NFIA: variants seen among roughly 807,000 people sequenced by gnomAD.
The protein encoded by NFIA is nuclear factor 1 A-type.
In NFIA, 8 loss-of-function variants were observed where a neutral mutation model predicts 62.8. The ratio of observed to expected loss-of-function variants is 0.13; its 90% confidence interval spans 0.07 to 0.23. The LOEUF is 0.23. Ranked by LOEUF, NFIA falls within the 10% of genes least tolerant of loss-of-function variation. NFIA has a pLI of 1.00. For synonymous variants in NFIA, 235 were observed against 238.1 expected, an observed-to-expected ratio of 0.99 and a Z score of 0.12; for missense variants, 410 against 642.1, an observed-to-expected ratio of 0.64 and a Z score of 3.91.
In NFIA at chr1:61,460,382, A is replaced by ATCAATTTAATGTTTAATG. The variant is rs1553124840; in HGVS notation, c.*5063_*5080dup. 1 of 152,252 alleles carries ATCAATTTAATGTTTAATG rather than the reference A, an allele frequency of 6.6e-6. No homozygotes were observed. Among genetic ancestry groups the ATCAATTTAATGTTTAATG allele is most frequent in the Non-Finnish European group, 1.5e-5 (1 of 68,046 alleles). The allele number at this position is 152,252 out of a possible 1,614,324, so 9.4% of individuals were successfully genotyped here. A position where few individuals can be genotyped will look rare whatever the true frequency, so the allele number is the denominator to read the frequency against. ...TGAATACTGTGTCACCAATTTTGAAATCAATTTAATGTTTAATGCAAATCC... is the reference window on the plus strand; with the variant it reads ...TGAATACTGTGTCACCAATTTTGAAATCAATTTAATGTTTAATGTCAATTTAATGTTTAATGCAAATCC... On this transcript the variant is annotated 3_prime_UTR_variant, in exon 11 of 11. Transcript: ENST00000403491.
intron 4 of NFIA, among the ~76,000 whole-genome samples, chr1:61,334,766 AT>A (rs1553174357): frequency 6.6e-6 from 1 of 151,750 alleles, no homozygotes; most frequent in Non-Finnish European, 1.5e-5. Flanking sequence ...GGATGCTGCA[AT>A]TCTTACATTT....
At chr1:61,435,147 C>T (rs1229143414) in intron 10 of NFIA, among the ~76,000 whole-genome samples, 1 of 152,138 alleles carries the variant, frequency 6.6e-6, no homozygotes, top group Non-Finnish European at 1.5e-5. Flanking sequence ...GTACTGGGTA[C>T]TCACCAGGTT....
At chr1:61,294,669 C>T (rs1389162167) in intron 3 of NFIA, among the ~76,000 whole-genome samples, 1 of 152,204 alleles carries the variant, frequency 6.6e-6, no homozygotes, top group Non-Finnish European at 1.5e-5. Flanking sequence ...TTCTTTTTTA[C>T]TCACTGTTTT....
chr1:61,096,205 G>T (rs1377931133), intron 2 of NFIA, among the ~76,000 whole-genome samples: 1 of 152,040 alleles, frequency 6.6e-6, no homozygotes, highest in Non-Finnish European at 1.5e-5. Context: ...GAATTAGTGA[G>T]CTTTTTTTTG....
rs34809808 is a variant in NFIA, at chr1:61,333,068, TACACACACACACAC to T, written c.700+492_700+505del. Among the ~76,000 whole-genome samples, 228 of 132,674 alleles carry T rather than the reference TACACACACACACAC, an allele frequency of 1.7e-3. 1 individual carries two copies. Among genetic ancestry groups the T allele is most frequent in the Non-Finnish European group, 2.8e-3 (166 of 58,858 alleles). The allele number at this position is 132,674 out of a possible 152,430, so 87.0% of individuals were successfully genotyped here. On this transcript the variant is annotated intron_variant, in intron 4 of 10. Transcript: ENST00000403491. Reference sequence around the variant, plus strand: ...GCACGCACACACACACACACACACATACACACACACACACACACACACATACACAGTTGCCTTCC... The same window carrying T: ...GCACGCACACACACACACACACACATACACACACATACACAGTTGCCTTCC...
At chr1:61,442,903 C>A (rs1284385903) in intron 10 of NFIA, among the ~76,000 whole-genome samples, 4 of 152,190 alleles carry the variant, frequency 2.6e-5, no homozygotes, top group Non-Finnish European at 5.9e-5. Context: ...GTTTTATCAT[C>A]CATTTCTGCA....
intron 2 of NFIA, chr1:61,249,880 A>G (rs888614092): frequency 6.6e-6 from 1 of 152,206 alleles, no homozygotes; most frequent in African/African-American, 2.4e-5. Context: ...CACAAGATAC[A>G]CTGTGACATA....
chr1:61,333,162 C>G (rs993450542), intron 4 of NFIA, among the ~76,000 whole-genome samples: 1 of 151,710 alleles, frequency 6.6e-6, no homozygotes, highest in Non-Finnish European at 1.5e-5. Context: ...TTATGATGTT[C>G]CAGGTCCCAG....
chr1:61,408,891 G>A (rs538007101), intron 9 of NFIA, among the ~76,000 whole-genome samples: 37 of 152,310 alleles, frequency 2.4e-4, no homozygotes, highest in Non-Finnish European at 5.0e-4. Flanking sequence ...CTTACATAGT[G>A]GAAGACTCCA....
intron 2 of NFIA, among the ~76,000 whole-genome samples, chr1:61,200,705 A>T (rs1375891062): frequency 1.3e-5 from 2 of 152,238 alleles, no homozygotes; most frequent in African/African-American, 2.4e-5. Context: ...CCAGTGAATT[A>T]TCACAACCAC....
At chr1:61,257,792 C>A (rs1222571623) in intron 2 of NFIA, among the ~76,000 whole-genome samples, 1 of 151,718 alleles carries the variant, frequency 6.6e-6, no homozygotes, top group African/African-American at 2.4e-5. Context: ...TCAGCATAGC[C>A]TCAAACTCCT....
intron 2 of NFIA, among the ~76,000 whole-genome samples, chr1:61,227,278 T>G (rs894387397): frequency 6.6e-6 from 1 of 152,242 alleles, no homozygotes; most frequent in Non-Finnish European, 1.5e-5. Flanking sequence ...CTTTTAAATG[T>G]TTGGAAACGT....
intron 2 of NFIA, among the ~76,000 whole-genome samples, chr1:61,145,342 TATG>T (rs1647847456): frequency 6.6e-6 from 1 of 152,202 alleles, no homozygotes; most frequent in South Asian, 2.1e-4. Flanking sequence ...AAAGTGCAAT[TATG>T]AGGAGGATGT....
At chr1:61,427,017 G>A (rs566938865) in intron 10 of NFIA, among the ~76,000 whole-genome samples, 3 of 152,276 alleles carry the variant, frequency 2.0e-5, no homozygotes, top group East Asian at 1.9e-4. Flanking sequence ...GGAGAAAAGG[G>A]TATATGAGCC....
At chr1:61,329,635 G>C (rs1452221216) in intron 3 of NFIA, among the ~76,000 whole-genome samples, 3 of 152,108 alleles carry the variant, frequency 2.0e-5, no homozygotes, top group African/African-American at 4.8e-5. Flanking sequence ...CCAAAGGGCT[G>C]GGATTACAGG....
chr1:61,352,773 ACACACACACACG>A (rs1188297556), intron 5 of NFIA, among the ~76,000 whole-genome samples: 2 of 150,500 alleles, frequency 1.3e-5, no homozygotes, highest in African/African-American at 5.0e-5. Flanking sequence ...ACACACACAC[ACACACACACACG>A]CACACACACT....
At chr1:61,205,026 G>T (rs1652803308) in intron 2 of NFIA, among the ~76,000 whole-genome samples, 1 of 152,082 alleles carries the variant, frequency 6.6e-6, no homozygotes, top group Admixed American at 6.6e-5. Context: ...TACACTGATG[G>T]ATTTAAAGCC....
At chr1:61,234,689 C>T (rs890998441) in intron 2 of NFIA, among the ~76,000 whole-genome samples, 2 of 152,146 alleles carry the variant, frequency 1.3e-5, no homozygotes, top group African/African-American at 4.8e-5. Flanking sequence ...TTGTGCTTTT[C>T]GTGTTACCAT....
chr1:61,347,165 CTTTTTTTTTTT>C lies in NFIA; in HGVS notation c.701-5269_701-5259del, dbSNP rs869046737. Among the ~76,000 whole-genome samples the C allele has an allele frequency of 1.4e-4, 10 of 70,138 alleles. No individual in the cohort carries two copies. In the South Asian group the frequency reaches 7.0e-3, roughly 49 times the overall value. 46.0% of individuals were successfully genotyped at this position (70,138 alleles called of 152,430 possible). On this transcript the variant is annotated intron_variant, in intron 4 of 10. Coordinates refer to ENST00000403491, the MANE Select transcript of NFIA (RefSeq NM_001134673.4). ...TATTCAGAAACTGTCCTGGATCCCACTTTTTTTTTTTTTTTTTTTTTTTTTTGAGATGGAGT... is the reference window on the plus strand; with the variant it reads ...TATTCAGAAACTGTCCTGGATCCCACTTTTTTTTTTTTTTTGAGATGGAGT...
Sources: allele counts gnomAD v4.1 joint callset (sites outside exome capture counted in the v4.1 genomes callset), GRCh38; gene constraint gnomAD v4.1.1; transcripts MANE v1.5; gene names NCBI Gene and HGNC (gene_info 2026-07-23, HGNC 2026-07-21).